The following HCN2 variants were observed in gnomAD, a reference collection of about 807,000 sequenced individuals.
The protein encoded by HCN2 is potassium/sodium hyperpolarization-activated cyclic nucleotide-gated channel 2.
Under a neutral mutation model 52.3 loss-of-function variants are expected in HCN2, and 20 were observed. The observed-to-expected ratio is 0.38, with a 90% CI of 0.27 to 0.56. The LOEUF (loss-of-function observed/expected upper bound fraction) is 0.56, where lower values mean the gene tolerates loss of function less well. Ranked by LOEUF, HCN2 falls within the 20% of genes least tolerant of loss-of-function variation. The pLI is 0.71. For synonymous variants in HCN2, 694 were observed against 537.0 expected (o/e 1.29, Z -4.04); for missense variants, 981 against 1,207.7 (o/e 0.81, Z 2.78).
rs79942835 is a variant in HCN2 at position 600,877 on chromosome 19, A to T, written c.633-2667A>T. On this transcript the variant is annotated intron_variant, in intron 1 of 7. Coordinates refer to ENST00000251287, the MANE Select transcript of HCN2 (RefSeq NM_001194.4). ...TTGCTGTTGTACAACCGTCACCACT[A>T]TCCATAGTCCATACCTTTCTCATTC... Among the ~76,000 whole-genome samples, 1,502 of 152,260 alleles carry T rather than the reference A, an allele frequency of 9.9e-3. 24 individuals are homozygous for T. The highest frequency in any genetic ancestry group is 0.034 in the African/African-American group (1,393 of 41,552).
At chr19:615,323 C>A (rs1400023754) in intron 7 of HCN2, among the ~76,000 whole-genome samples, 1 of 151,938 alleles carries the variant, frequency 6.6e-6, no homozygotes, top group Non-Finnish European at 1.5e-5. Flanking sequence ...TCCTGGCTAA[C>A]ATGGTGAAAC....
intron 2 of HCN2, 32 bp from the exon 3 acceptor site, chr19:605,029 G>A (rs376379093): frequency 2.2e-5 from 35 of 1,599,442 alleles, no homozygotes; most frequent in African/African-American, 4.0e-5. Context: ...GGGGGTCAGC[G>A]GGTAGGGTGG....
At position 613,450 on chromosome 19, in the gene HCN2, A is replaced by C. The variant is rs747971801; in HGVS notation, c.1787A>C (p.Asn596Thr). 6.4e-7 allele frequency: 1 copy of C among 1,563,504 alleles called. No individual in the cohort carries two copies. Among genetic ancestry groups the C allele is most frequent in the Non-Finnish European group, 8.7e-7 (1 of 1,150,416 alleles). The change falls in exon 6 of 8, where the codon AAC becomes ACC. Residue 596 changes from asparagine to threonine, a missense_variant. Coordinates refer to ENST00000251287, the MANE Select transcript of HCN2 (RefSeq NM_001194.4). The stretch of plus-strand genomic sequence containing the variant: ...GTGGTCAGCGTGCTCACTAAGGGCA[A>C]CAAGGAGATGAAGCTGTCCGATGGC... ...HGVVSVLTKGNKEMKLSDGSY... is the reference protein window; with the variant it reads ...HGVVSVLTKGTKEMKLSDGSY...
intron 2 of HCN2, 106 bp from the exon 3 acceptor site, chr19:604,955 G>GGT: frequency 8.0e-7 from 1 of 1,251,552 alleles, no homozygotes; most frequent in Non-Finnish European, 1.1e-6. Flanking sequence ...CTTGGATTTG[G>GGT]GGGAGGGGGC....
At position 590,262 on chromosome 19, in the gene HCN2, A is replaced by C. The variant is rs1982826551; in HGVS notation, c.317A>C (p.Glu106Ala). ...CCGAACGGCGAGTGCGGGCGCGGCG[A>C]GCCGCAGTGCAGCCCCGCGGGGCCC... ...GSPNGECGRG[E>A]PQCSPAGPEG... Residue 106 changes from glutamate to alanine, a missense_variant, in exon 1 of 8, where the codon GAG becomes GCG. By Grantham distance (107) the Glu-to-Ala change is moderately radical. Coordinates refer to ENST00000251287, the MANE Select transcript of HCN2 (RefSeq NM_001194.4). This position sits in a 1 kb window ranked among gnomAD's most constrained non-coding sequence, Gnocchi z 7.2. 13 of 988,066 alleles carry C rather than the reference A, an allele frequency of 1.3e-5. No individual in the cohort carries two copies. Among genetic ancestry groups the C allele is most frequent in the Non-Finnish European group, 1.6e-5 (13 of 834,196 alleles). The allele number at this position is 988,066 out of a possible 1,614,324, so 61.2% of individuals were successfully genotyped here. A position where few individuals can be genotyped will look rare whatever the true frequency, so the allele number is the denominator to read the frequency against.
chr19:602,673 T>C (rs73503922), intron 1 of HCN2, among the ~76,000 whole-genome samples: 27,433 of 152,264 alleles, frequency 0.18, 3,215 homozygotes, highest in African/African-American at 0.33. Flanking sequence ...TCTGCTCCTC[T>C]GCTGTCCTGT....
At chr19:602,835 G>A (rs1171753469) in intron 1 of HCN2, among the ~76,000 whole-genome samples, 1 of 151,704 alleles carries the variant, frequency 6.6e-6, no homozygotes, top group Non-Finnish European at 1.5e-5. Context: ...CTGAGGAAGG[G>A]ACCTGGGCTA....
rs540559126 is a variant in HCN2 at position 598,694 on chromosome 19, C to T, written c.633-4850C>T. On this transcript the variant is annotated intron_variant, in intron 1 of 7. Transcript: ENST00000251287. ...TCGGCTCACTGCAAGCTCCGCCTCC[C>T]GGGTTCATGCCGTTCTCCTGCCTCA... Among the ~76,000 whole-genome samples the T allele has an allele frequency of 9.4e-4, 143 of 152,178 alleles. 1 individual carries two copies. Among genetic ancestry groups the T allele is most frequent in the African/African-American group, 3.2e-3 (134 of 41,512 alleles).
At chr19:615,625 A>C (rs565180543) in intron 7 of HCN2, among the ~76,000 whole-genome samples, 170 bp from the exon 8 acceptor site, 1 of 152,354 alleles carries the variant, frequency 6.6e-6, no homozygotes, top group African/African-American at 2.4e-5. Context: ...TATCCATACT[A>C]TAGGCCAGAG....
intron 2 of HCN2, among the ~76,000 whole-genome samples, 182 bp from the exon 3 acceptor site, chr19:604,879 T>C (rs1983365228): frequency 1.0e-5 from 1 of 96,352 alleles, no homozygotes; most frequent in African/African-American, 4.2e-5. Context: ...GGGTGGGGGC[T>C]GTGGGTTTGG....
chr19:607,424 C>T (rs139629335), intron 3 of HCN2, among the ~76,000 whole-genome samples: 237 of 152,332 alleles, frequency 1.6e-3, no homozygotes, highest in African/African-American at 5.2e-3. Flanking sequence ...AGGGAAGACC[C>T]GCCAGTGCCC....
chr19:597,912 C>A (rs960618359), intron 1 of HCN2, among the ~76,000 whole-genome samples: 5 of 152,210 alleles, frequency 3.3e-5, no homozygotes, highest in Non-Finnish European at 5.9e-5. Context: ...GTCTCTGGAG[C>A]CCCCTGGGAG....
chr19:609,355 C>T (rs1480265727), intron 4 of HCN2, among the ~76,000 whole-genome samples: 4 of 152,280 alleles, frequency 2.6e-5, no homozygotes, highest in African/African-American at 7.2e-5. Flanking sequence ...CTGGAAAGAT[C>T]ATCAGGGAAG....
intron 6 of HCN2, among the ~76,000 whole-genome samples, 178 bp from the exon 7 acceptor site, chr19:613,674 T>C (rs1163078038): frequency 0.25 from 2,980 of 11,700 alleles, 301 homozygotes; most frequent in African/African-American, 0.3. Context: ...GGGATGGGGA[T>C]GGGGCCGGGG....
At position 600,501 on chromosome 19, in the gene HCN2, C is replaced by T. The variant is rs568365333; in HGVS notation, c.633-3043C>T. On this transcript the variant is annotated intron_variant, in intron 1 of 7. Coordinates refer to ENST00000251287, the MANE Select transcript of HCN2 (RefSeq NM_001194.4). ...GACTACAGGCACGTGCCATCATGCC[C>T]AGCCAATTTTTTTTTTTGTATTTTT... Among the ~76,000 whole-genome samples the T allele has an allele frequency of 2.0e-5, 3 of 152,160 alleles. No homozygotes were observed. In the East Asian group the frequency reaches 5.8e-4, roughly 29 times the overall value.
At position 590,588 on chromosome 19, in the gene HCN2, C is replaced by G; in HGVS notation, c.632+11C>G. 4.3e-6 allele frequency: 6 copies of G among 1,396,734 alleles called. No individual in the cohort carries two copies. Among genetic ancestry groups the G allele is most frequent in the East Asian group, 2.9e-5 (1 of 34,252 alleles). 86.5% of individuals were successfully genotyped at this position (1,396,734 alleles called of 1,614,324 possible). On this transcript the variant is annotated intron_variant, in intron 1 of 7. Coordinates refer to ENST00000251287, the MANE Select transcript of HCN2 (RefSeq NM_001194.4). The surrounding 1 kb of genome is among the most constrained non-coding windows in gnomAD (Gnocchi z 7.2). ...GTACAGCGACTTCAGGTACCGCCTC[C>G]GGGAGGGCCGGTCGGCGCGAGGGGG...
rs1983297977 is a variant in HCN2, at chr19:603,747, C to A, written c.836C>A (p.Pro279His). 6.2e-7 allele frequency: 1 copy of A among 1,612,808 alleles called. No individual in the cohort carries two copies. The highest frequency in any genetic ancestry group is 1.3e-5 in the African/African-American group (1 of 74,878). The change falls in exon 2 of 8, where the codon CCC becomes CAC. Residue 279 changes from proline to histidine, a missense_variant. Transcript: ENST00000251287. Reference protein sequence around the residue: ...IEDNTEIILDPEKIKKKYLRT... With the variant: ...IEDNTEIILDHEKIKKKYLRT... Reference sequence around the variant, plus strand: ...GACAACACGGAGATCATCCTGGACCCCGAGAAGATCAAGAAGAAGTATCTG... The same window carrying A: ...GACAACACGGAGATCATCCTGGACCACGAGAAGATCAAGAAGAAGTATCTG...
At position 611,259 on chromosome 19, in the gene HCN2, T is replaced by G. The variant is rs531535394; in HGVS notation, c.1584+854T>G. On this transcript the variant is annotated intron_variant, in intron 5 of 7. Coordinates refer to ENST00000251287, the MANE Select transcript of HCN2 (RefSeq NM_001194.4). ...GTTATTGAGCGCCGACTGCGTGCCCTGCCGTGTGCTTGAAGGTCCCACCCT... is the reference window on the plus strand; with the variant it reads ...GTTATTGAGCGCCGACTGCGTGCCCGGCCGTGTGCTTGAAGGTCCCACCCT... Among the ~76,000 whole-genome samples the G allele has an allele frequency of 2.6e-5, 4 of 152,344 alleles. No individual in the cohort carries two copies. The East Asian group carries it at 7.7e-4, about 29-fold the overall frequency.
At chr19:614,291 C>T (rs570262362) in intron 7 of HCN2, among the ~76,000 whole-genome samples, 2 of 152,306 alleles carry the variant, frequency 1.3e-5, no homozygotes, top group South Asian at 2.1e-4. Flanking sequence ...CAGAGGCAGC[C>T]TGTTTCCCAA....
Sources: gnomAD v4.1 joint callset for allele counts (sites outside exome capture counted in the v4.1 genomes callset) on GRCh38, gnomAD v4.1.1 for gene constraint, Gnocchi (gnomAD v3.1) non-coding constraint, MANE v1.5 for transcripts, NCBI Gene and HGNC (gene_info 2026-07-23, HGNC 2026-07-21) for gene names.